The following TSPAN32 variants were observed in gnomAD, a reference collection of about 807,000 sequenced individuals.
TSPAN32 encodes tetraspanin-32.
A neutral mutation model predicts 42.7 loss-of-function variants in TSPAN32; 47 were observed. The observed-to-expected ratio is 1.10, with a 90% CI of 0.87 to 1.40. The LOEUF is 1.40. Ranked by LOEUF, TSPAN32 falls within the 40% of genes most tolerant of loss-of-function variation. The pLI is 0.00. For missense variants in TSPAN32, 469 were observed against 424.1 expected (o/e 1.11, Z -0.93); for synonymous variants, 175 against 175.9 (o/e 0.99, Z 0.04).
chr11:2,316,042 G>T, intron 6 of TSPAN32, 187 bp from the exon 7 acceptor site: 1 of 1,534,204 alleles, frequency 6.5e-7, no homozygotes. Context: ...TGTCCCACTG[G>T]GCTTCACCTG....
At chr11:2,303,983 A>C in intron 2 of TSPAN32, 124 bp from the exon 3 acceptor site, 1 of 704,048 alleles carries the variant, frequency 1.4e-6, no homozygotes, top group Non-Finnish European at 2.5e-6. Context: ...AGACAGGCCC[A>C]TTCAGAGCCC....
At chr11:2,315,812 C>A in intron 6 of TSPAN32, 6 of 1,329,976 alleles carry the variant, frequency 4.5e-6, no homozygotes, top group Non-Finnish European at 5.9e-6. Flanking sequence ...CCCCTCACAC[C>A]CCTCCACCAG....
At position 2,304,848 on chromosome 11, in the gene TSPAN32, T is replaced by C. The variant is rs1847983606; in HGVS notation, c.279+644T>C. On this transcript the variant is annotated intron_variant, in intron 3 of 9. Transcript: ENST00000182290. This position sits in a 1 kb window ranked among gnomAD's most constrained non-coding sequence, Gnocchi z 4.8. The stretch of plus-strand genomic sequence containing the variant: ...CTCGATGGTCATCGCAGACCCCACC[T>C]GGCGGCAGCCTCCCCACGCCTGTCC... 6.6e-6 allele frequency among the ~76,000 whole-genome samples: 1 copy of C among 151,794 alleles called. No individual in the cohort carries two copies. Among genetic ancestry groups the C allele is most frequent in the Non-Finnish European group, 1.5e-5 (1 of 67,954 alleles).
In TSPAN32 at chr11:2,318,091, G is replaced by T; in HGVS notation, c.*167G>T. ...CCTCCACCTTCAAACCAGCAATGGTGCATTGAGCAAATTGTGGTCAAATAT... is the reference window on the plus strand; with the variant it reads ...CCTCCACCTTCAAACCAGCAATGGTTCATTGAGCAAATTGTGGTCAAATAT... On this transcript the variant is annotated 3_prime_UTR_variant, in exon 10 of 10. Transcript: ENST00000182290. This position sits in a 1 kb window ranked among gnomAD's most constrained non-coding sequence, Gnocchi z 4.2. 1 of 573,588 alleles carries T rather than the reference G, an allele frequency of 1.7e-6. No homozygotes were observed. The highest frequency in any genetic ancestry group is 4.5e-4 in the Middle Eastern group (1 of 2,214). The allele number at this position is 573,588 out of a possible 1,614,324, so 35.5% of individuals were successfully genotyped here.
intron 7 of TSPAN32, 77 bp from the exon 8 acceptor site, chr11:2,316,499 G>T: frequency 6.2e-7 from 1 of 1,606,126 alleles, no homozygotes; most frequent in Non-Finnish European, 8.5e-7. Flanking sequence ...CCCTTACACT[G>T]CAGAGTCCTG....
chr11:2,314,406 C>T, intron 5 of TSPAN32, 79 bp from the exon 6 acceptor site: 1 of 1,149,376 alleles, frequency 8.7e-7, no homozygotes, highest in Non-Finnish European at 1.3e-6. Flanking sequence ...ACTTGTGGTG[C>T]CTCAGTTTCC....
At chr11:2,302,679 G>A in intron 1 of TSPAN32, 165 bp from the exon 2 acceptor site, 2 of 623,184 alleles carry the variant, frequency 3.2e-6, no homozygotes, top group East Asian at 2.8e-5. Flanking sequence ...CTGCAGTGAA[G>A]GCCTCCTGAG....
At position 2,313,847 on chromosome 11, in the gene TSPAN32, G is replaced by A; in HGVS notation, c.456+92G>A. The stretch of plus-strand genomic sequence containing the variant: ...GCGCAGGGTGGCCAGTGAGAGGTCT[G>A]GCCAGGCACCGAGGGGGTTCCAGGA... On this transcript the variant is annotated intron_variant, in intron 5 of 9. Coordinates refer to ENST00000182290, the MANE Select transcript of TSPAN32 (RefSeq NM_139022.3). This position sits in a 1 kb window ranked among gnomAD's most constrained non-coding sequence, Gnocchi z 9.1. 1 of 1,064,610 alleles carries A rather than the reference G, an allele frequency of 9.4e-7. No individual in the cohort carries two copies. The allele number at this position is 1,064,610 out of a possible 1,614,324, so 65.9% of individuals were successfully genotyped here. A position where few individuals can be genotyped will look rare whatever the true frequency, so the allele number is the denominator to read the frequency against.
At chr11:2,307,983 C>G (rs1286009157) in intron 3 of TSPAN32, among the ~76,000 whole-genome samples, 3 of 152,164 alleles carry the variant, frequency 2.0e-5, no homozygotes, top group Admixed American at 2.0e-4. Context: ...ACAGAAGATC[C>G]TACAGCCCCG....
In TSPAN32 at chr11:2,302,968, G is replaced by T; in HGVS notation, c.181+10G>T. The T allele has an allele frequency of 6.2e-7, 1 of 1,610,450 alleles. No homozygotes were observed. The highest frequency in any genetic ancestry group is 8.5e-7 in the Non-Finnish European group (1 of 1,177,586). Reference sequence around the variant, plus strand: ...GCTGTGCACCAATGGGGTAAGTGAGGTCCAGGCCTGGCTGCATCGGGAGGG... The same window carrying T: ...GCTGTGCACCAATGGGGTAAGTGAGTTCCAGGCCTGGCTGCATCGGGAGGG... On this transcript the variant is annotated intron_variant, in intron 2 of 9. Transcript: ENST00000182290.
In TSPAN32 at chr11:2,317,952, A is replaced by C; in HGVS notation, c.*28A>C. 1 of 846,696 alleles carries C rather than the reference A, an allele frequency of 1.2e-6. No homozygotes were observed. The highest frequency in any genetic ancestry group is 2.1e-6 in the Non-Finnish European group (1 of 484,258). The allele number at this position is 846,696 out of a possible 1,614,324, so 52.4% of individuals were successfully genotyped here. A position where few individuals can be genotyped will look rare whatever the true frequency, so the allele number is the denominator to read the frequency against. On this transcript the variant is annotated 3_prime_UTR_variant, in exon 10 of 10. Transcript: ENST00000182290. The surrounding 1 kb of genome is among the most constrained non-coding windows in gnomAD (Gnocchi z 6.2). ...TCAGGCCTTGGTGGGCTGCACTCTCACCTGGAGGCTCCGGGGAAGCATCTG... is the reference window on the plus strand; with the variant it reads ...TCAGGCCTTGGTGGGCTGCACTCTCCCCTGGAGGCTCCGGGGAAGCATCTG...
At position 2,316,619 on chromosome 11, in the gene TSPAN32, G is replaced by A. The variant is rs774163392; in HGVS notation, c.671G>A (p.Arg224His). The A allele has an allele frequency of 2.2e-5, 34 of 1,549,046 alleles. No individual in the cohort carries two copies. The highest frequency in any genetic ancestry group is 1.8e-4 in the East Asian group (8 of 44,278). ...AGCTCCTTCCTGTGGTTTGCCATCC[G>A]CTGTGGCTGCAGCTTGGACCGCAAG... ...LFSSFLWFAIRCGCSLDRKGK... is the reference protein window; with the variant it reads ...LFSSFLWFAIHCGCSLDRKGK... The change falls in exon 8 of 10, where the codon CGC (arginine) becomes CAC (histidine). Residue 224 changes from arginine (R) to histidine (H), a missense_variant. Physicochemically the swap from Arg to His is conservative, Grantham distance 29. Coordinates refer to ENST00000182290, the MANE Select transcript of TSPAN32 (RefSeq NM_139022.3).
rs1037151952 is a variant in TSPAN32 at position 2,317,582 on chromosome 11, G to A, written c.901+57G>A. 3 of 1,526,062 alleles carry A rather than the reference G, an allele frequency of 2.0e-6. No homozygotes were observed. Among genetic ancestry groups the A allele is most frequent in the African/African-American group, 2.7e-5 (2 of 72,762 alleles). 94.5% of individuals were successfully genotyped at this position (1,526,062 alleles called of 1,614,324 possible). On this transcript the variant is annotated intron_variant, in intron 9 of 9. Coordinates refer to ENST00000182290, the MANE Select transcript of TSPAN32 (RefSeq NM_139022.3). The surrounding 1 kb of genome is among the most constrained non-coding windows in gnomAD (Gnocchi z 6.2). Reference sequence around the variant, plus strand: ...GATCCCTGAGGGGAGGGTCCGAGCTGTGAGGAGGGAAGGGAGTGAAGGCCC... The same window carrying A: ...GATCCCTGAGGGGAGGGTCCGAGCTATGAGGAGGGAAGGGAGTGAAGGCCC...
Position 2,302,211 on chromosome 11 carries a change from T to C in TSPAN32, c.62T>C (p.Ile21Thr). 2 of 1,399,976 alleles carry C rather than the reference T, an allele frequency of 1.4e-6. No homozygotes were observed. The highest frequency in any genetic ancestry group is 1.9e-6 in the Non-Finnish European group (2 of 1,072,286). 86.7% of individuals were successfully genotyped at this position (1,399,976 alleles called of 1,614,324 possible). ...CAGATGCTGGTCACCTGCTTCTTTA[T>C]CTTGGTAACAGGCAGGTCGGGCAGG... is the stretch of plus-strand genomic sequence containing the variant. ...KCQMLVTCFF[I>T]LLLGLSVATM... Residue 21 changes from isoleucine to threonine, a missense_variant, in exon 1 of 10, where the codon ATC (isoleucine) becomes ACC (threonine). Transcript: ENST00000182290.
chr11:2,312,047 G>GCAGGCAGGGCAGGCAGGGCAGGCAGAGC, intron 4 of TSPAN32, among the ~76,000 whole-genome samples: 1 of 149,252 alleles, frequency 6.7e-6, no homozygotes, highest in South Asian at 2.1e-4. Flanking sequence ...GGCAGGCAGG[G>GCAGGCAGGGCAGGCAGGGCAGGCAGAGC]CAGGCAGGGC....
chr11:2,302,682 C>T (rs1489764854), intron 1 of TSPAN32, 162 bp from the exon 2 acceptor site: 11 of 632,394 alleles, frequency 1.7e-5, no homozygotes, highest in Non-Finnish European at 3.1e-5. Flanking sequence ...CAGTGAAGGC[C>T]TCCTGAGACC....
At position 2,314,547 on chromosome 11, in the gene TSPAN32, T is replaced by C. The variant is rs781658568; in HGVS notation, c.519T>C (p.Cys173=). The C allele has an allele frequency of 1.2e-6, 2 of 1,611,820 alleles. No individual in the cohort carries two copies. Among genetic ancestry groups the C allele is most frequent in the East Asian group, 4.5e-5 (2 of 44,848 alleles). ...SRLGSTEADL[C]QGEEAAREDC... is the part of the protein sequence containing the mutation. ...TGGGGAGCACAGAGGCTGACCTGTG[T>C]CAGGGAGAGGAGGCGGCGAGAGAGG... Residue 173 remains cysteine, a synonymous_variant, in exon 6 of 10, where the codon TGT becomes TGC. Coordinates refer to ENST00000182290, the MANE Select transcript of TSPAN32 (RefSeq NM_139022.3).
At chr11:2,309,078 C>T (rs1240950309) in intron 4 of TSPAN32, among the ~76,000 whole-genome samples, 1 of 152,020 alleles carries the variant, frequency 6.6e-6, no homozygotes, top group Non-Finnish European at 1.5e-5. Context: ...TTTCTTAAAG[C>T]CCCTCAGCCC....
intron 6 of TSPAN32, chr11:2,315,585 A>G (rs1848738112): frequency 1.7e-6 from 2 of 1,177,100 alleles, no homozygotes; most frequent in African/African-American, 1.6e-5. Context: ...ATGGGCTGGC[A>G]TGGGCGGGAG....
Sources: gnomAD v4.1 joint callset for allele counts (sites outside exome capture counted in the v4.1 genomes callset) on GRCh38, gnomAD v4.1.1 for gene constraint, Gnocchi (gnomAD v3.1) non-coding constraint, MANE v1.5 for transcripts, NCBI Gene and HGNC (gene_info 2026-07-23, HGNC 2026-07-21) for gene names.